The following CALM3 variants were observed in gnomAD, a reference collection of about 807,000 sequenced individuals.
The protein encoded by CALM3 is calmodulin-3.
Under a neutral mutation model 20.1 loss-of-function variants are expected in CALM3, and 5 were observed. That is an observed-to-expected ratio of 0.25 (90% CI 0.13 to 0.52). The LOEUF (loss-of-function observed/expected upper bound fraction) is 0.52. Ranked by LOEUF, CALM3 falls within the 20% of genes least tolerant of loss-of-function variation. The pLI, the probability that CALM3 is intolerant of heterozygous loss-of-function variation, is 0.96. For synonymous variants in CALM3, 69 were observed against 68.1 expected, an observed-to-expected ratio of 1.01 and a Z score of -0.06; for missense variants, 57 against 192.8, an observed-to-expected ratio of 0.30 and a Z score of 4.17.
At position 46,608,411 on chromosome 19, in the gene CALM3, G is replaced by C. The variant is rs536630307; in HGVS notation, c.178+71G>C. 2,289 of 1,610,136 alleles carry C rather than the reference G, an allele frequency of 1.4e-3. 3 individuals are homozygous for C. The highest frequency in any genetic ancestry group is 3.3e-3 in the Admixed American group (196 of 59,988). On this transcript the variant is annotated intron_variant, in intron 3 of 5. Transcript: ENST00000291295. This position sits in a 1 kb window ranked among gnomAD's most constrained non-coding sequence, Gnocchi z 5.5. ...GAGTGACTGCAGGGAGCCTCTCTCA[G>C]GGTGATGGATGAGCCCGTGTCTCTC... is the stretch of plus-strand genomic sequence containing the variant.
chr19:46,602,003 C>A, intron 1 of CALM3: 1 of 852,772 alleles, frequency 1.2e-6, no homozygotes, highest in South Asian at 1.6e-5. Flanking sequence ...CAAGGATGGG[C>A]GGTCACTTCT....
At chr19:46,609,027 A>G (rs1238043692) in intron 5 of CALM3, 46 bp downstream of exon 5, 1 of 1,608,494 alleles carries the variant, frequency 6.2e-7, no homozygotes, top group Non-Finnish European at 8.5e-7. Context: ...AGAGAATCGC[A>G]GCTTCAGGAA....
At chr19:46,604,273 G>C (rs1971694678) in intron 1 of CALM3, among the ~76,000 whole-genome samples, 1 of 152,088 alleles carries the variant, frequency 6.6e-6, no homozygotes, top group African/African-American at 2.4e-5. Flanking sequence ...GGTGGGAGGT[G>C]GGGGGCAGGT....
chr19:46,608,746 GT>G lies in CALM3; in HGVS notation c.286-99del. ...GCCACCTCAGGCAGCCTCCCTCACT[GT>G]GCTCACTGCTGAGGGATGGTGATGA... On this transcript the variant is annotated intron_variant, in intron 4 of 5. Coordinates refer to ENST00000291295, the MANE Select transcript of CALM3 (RefSeq NM_005184.4). This position sits in a 1 kb window ranked among gnomAD's most constrained non-coding sequence, Gnocchi z 5.5. 2 of 1,382,756 alleles carry G rather than the reference GT, an allele frequency of 1.4e-6. No individual in the cohort carries two copies. The highest frequency in any genetic ancestry group is 2.0e-6 in the Non-Finnish European group (2 of 1,013,754). 85.7% of individuals were successfully genotyped at this position (1,382,756 alleles called of 1,614,324 possible). A position where few individuals can be genotyped will look rare whatever the true frequency, so the allele number is the denominator to read the frequency against.
chr19:46,601,336 T>G lies in CALM3; in HGVS notation c.-99T>G. 4 of 1,252,680 alleles carry G rather than the reference T, an allele frequency of 3.2e-6. No homozygotes were observed. The highest frequency in any genetic ancestry group is 4.3e-6 in the Non-Finnish European group (4 of 933,674). The allele number at this position is 1,252,680 out of a possible 1,614,324, so 77.6% of individuals were successfully genotyped here. On this transcript the variant is annotated 5_prime_UTR_variant, in exon 1 of 6. Coordinates refer to ENST00000291295, the MANE Select transcript of CALM3 (RefSeq NM_005184.4). The surrounding 1 kb of genome is among the most constrained non-coding windows in gnomAD (Gnocchi z 4.2). Reference sequence around the variant, plus strand: ...GGCGGCGCGCGCTGCGGGCAGTGAGTGTGGAGGCGCGGACGCGCGGCGGAG... The same window carrying G: ...GGCGGCGCGCGCTGCGGGCAGTGAGGGTGGAGGCGCGGACGCGCGGCGGAG...
At chr19:46,604,744 C>T (rs1180515616) in intron 1 of CALM3, among the ~76,000 whole-genome samples, 1 of 151,950 alleles carries the variant, frequency 6.6e-6, no homozygotes, top group Non-Finnish European at 1.5e-5. Context: ...AGACTTGGAG[C>T]CCCTTTCCCT....
Position 46,609,462 on chromosome 19 carries a change from T to G in CALM3, c.*309T>G. On this transcript the variant is annotated 3_prime_UTR_variant, in exon 6 of 6. Transcript: ENST00000291295. ...TCCCCTTGGGGAGCCTCTGCCCTCC[T>G]CCAGCCCGGATGGCTCTCCTCCATT... is the stretch of plus-strand genomic sequence containing the variant. The G allele has an allele frequency of 2.2e-6, 1 of 455,424 alleles. No homozygotes were observed. The highest frequency in any genetic ancestry group is 3.5e-5 in the South Asian group (1 of 28,950). The allele number at this position is 455,424 out of a possible 1,614,324, so 28.2% of individuals were successfully genotyped here.
At position 46,601,330 on chromosome 19, in the gene CALM3, A is replaced by C; in HGVS notation, c.-105A>C. The C allele has an allele frequency of 1.9e-4, 182 of 983,680 alleles. No individual in the cohort carries two copies. Among genetic ancestry groups the C allele is most frequent in the East Asian group, 9.9e-4 (22 of 22,250 alleles). 60.9% of individuals were successfully genotyped at this position (983,680 alleles called of 1,614,324 possible). On this transcript the variant is annotated 5_prime_UTR_variant, in exon 1 of 6. Coordinates refer to ENST00000291295, the MANE Select transcript of CALM3 (RefSeq NM_005184.4). The surrounding 1 kb of genome is among the most constrained non-coding windows in gnomAD (Gnocchi z 4.2). ...GGCGGCGGCGGCGCGCGCTGCGGGC[A>C]GTGAGTGTGGAGGCGCGGACGCGCG... is the stretch of plus-strand genomic sequence containing the variant.
At position 46,609,390 on chromosome 19, in the gene CALM3, A is replaced by G; in HGVS notation, c.*237A>G. On this transcript the variant is annotated 3_prime_UTR_variant, in exon 6 of 6. Transcript: ENST00000291295. ...CCTTTTGCCCTCGCCTCTTCCATCC[A>G]TGTCTTCCAAGGCCTGATGCATTCA... 4 of 591,594 alleles carry G rather than the reference A, an allele frequency of 6.8e-6. No homozygotes were observed. The highest frequency in any genetic ancestry group is 1.2e-5 in the Non-Finnish European group (4 of 331,066). 36.6% of individuals were successfully genotyped at this position (591,594 alleles called of 1,614,324 possible).
chr19:46,601,414 C>A lies in CALM3; in HGVS notation c.-21C>A. 6.6e-7 allele frequency: 1 copy of A among 1,506,218 alleles called. No homozygotes were observed. Among genetic ancestry groups the A allele is most frequent in the Non-Finnish European group, 8.9e-7 (1 of 1,129,640 alleles). 93.3% of individuals were successfully genotyped at this position (1,506,218 alleles called of 1,614,324 possible). A position where few individuals can be genotyped will look rare whatever the true frequency, so the allele number is the denominator to read the frequency against. The stretch of plus-strand genomic sequence containing the variant: ...CCGGAGGAACCTTGATCCCCGTGCT[C>A]CGGACACCCCGGGCCTCGCCATGGT... On this transcript the variant is annotated 5_prime_UTR_variant, in exon 1 of 6. Coordinates refer to ENST00000291295, the MANE Select transcript of CALM3 (RefSeq NM_005184.4). This position sits in a 1 kb window ranked among gnomAD's most constrained non-coding sequence, Gnocchi z 4.2.
In CALM3 at chr19:46,608,841, C is replaced by G; in HGVS notation, c.286-5C>G. On this transcript the variant is annotated splice_polypyrimidine_tract_variant and splice_region_variant and intron_variant, in intron 4 of 5. Coordinates refer to ENST00000291295, the MANE Select transcript of CALM3 (RefSeq NM_005184.4). This position sits in a 1 kb window ranked among gnomAD's most constrained non-coding sequence, Gnocchi z 5.5. ...CCAGTGAAAGGCTTTATCCCCAACCCCCAGGATGGGAATGGCTACATCAGC... is the reference window on the plus strand; with the variant it reads ...CCAGTGAAAGGCTTTATCCCCAACCGCCAGGATGGGAATGGCTACATCAGC... The G allele has an allele frequency of 1.3e-6, 2 of 1,545,508 alleles. No individual in the cohort carries two copies. The highest frequency in any genetic ancestry group is 1.3e-5 in the South Asian group (1 of 78,774).
chr19:46,606,779 A>G (rs1265698221), intron 2 of CALM3, among the ~76,000 whole-genome samples: 3 of 152,176 alleles, frequency 2.0e-5, no homozygotes, highest in Non-Finnish European at 4.4e-5. Flanking sequence ...CTACCCGCCC[A>G]TACTGAGCTG....
At chr19:46,603,604 T>C (rs1471482864) in intron 1 of CALM3, among the ~76,000 whole-genome samples, 1 of 152,162 alleles carries the variant, frequency 6.6e-6, no homozygotes, top group Non-Finnish European at 1.5e-5. Flanking sequence ...GGAGACCAGC[T>C]GAGTTATTTT....
At chr19:46,601,161 A>G, upstream of CALM3, 2 of 550,734 alleles carry the variant, frequency 3.6e-6, no homozygotes, top group Non-Finnish European at 6.1e-6. This position sits in a 1 kb window ranked among gnomAD's most constrained non-coding sequence, Gnocchi z 4.2. Flanking sequence ...GGGACGAGAG[A>G]TTCGCGGGCC....
At position 46,605,677 on chromosome 19, in the gene CALM3, T is replaced by C; in HGVS notation, c.4-150T>C. 1.4e-6 allele frequency: 1 copy of C among 700,296 alleles called. No homozygotes were observed. The allele number at this position is 700,296 out of a possible 1,614,324, so 43.4% of individuals were successfully genotyped here. A position where few individuals can be genotyped will look rare whatever the true frequency, so the allele number is the denominator to read the frequency against. On this transcript the variant is annotated intron_variant, in intron 1 of 5. Coordinates refer to ENST00000291295, the MANE Select transcript of CALM3 (RefSeq NM_005184.4). This position sits in a 1 kb window ranked among gnomAD's most constrained non-coding sequence, Gnocchi z 4.1. ...TTTATCATCAGGCGCTGGCTCTGCC[T>C]CAGACCCTGACTCTGGCATGCTCCT...
chr19:46,605,698 C>A lies in CALM3; in HGVS notation c.4-129C>A. 2 of 812,154 alleles carry A rather than the reference C, an allele frequency of 2.5e-6. No homozygotes were observed. The highest frequency in any genetic ancestry group is 2.5e-5 in the East Asian group (1 of 39,642). The allele number at this position is 812,154 out of a possible 1,614,324, so 50.3% of individuals were successfully genotyped here. On this transcript the variant is annotated intron_variant, in intron 1 of 5. Coordinates refer to ENST00000291295, the MANE Select transcript of CALM3 (RefSeq NM_005184.4). The surrounding 1 kb of genome is among the most constrained non-coding windows in gnomAD (Gnocchi z 4.1). Reference sequence around the variant, plus strand: ...TGCCTCAGACCCTGACTCTGGCATGCTCCTCCCTGGCCCGGCGGGAATGGC... The same window carrying A: ...TGCCTCAGACCCTGACTCTGGCATGATCCTCCCTGGCCCGGCGGGAATGGC...
chr19:46,606,258 G>A (rs923876422), intron 2 of CALM3: 5 of 203,134 alleles, frequency 2.5e-5, no homozygotes, highest in South Asian at 7.7e-5. Flanking sequence ...GAGCTGGCTC[G>A]TCACTCCCAC....
In CALM3 at chr19:46,601,962, C is replaced by T. The variant is rs1386220862; in HGVS notation, c.3+525C>T. On this transcript the variant is annotated intron_variant, in intron 1 of 5. Coordinates refer to ENST00000291295, the MANE Select transcript of CALM3 (RefSeq NM_005184.4). The surrounding 1 kb of genome is among the most constrained non-coding windows in gnomAD (Gnocchi z 4.2). ...CTGGGCCCGGGCGGGGAGGGGCGAC[C>T]CCTGGGCTCCTGTGGAGCAGAGGAG... 1 of 568,484 alleles carries T rather than the reference C, an allele frequency of 1.8e-6. No individual in the cohort carries two copies. The highest frequency in any genetic ancestry group is 2.7e-6 in the Non-Finnish European group (1 of 371,674). The allele number at this position is 568,484 out of a possible 1,614,324, so 35.2% of individuals were successfully genotyped here. A position where few individuals can be genotyped will look rare whatever the true frequency, so the allele number is the denominator to read the frequency against.
intron 1 of CALM3, chr19:46,602,062 AG>A: frequency 7.7e-7 from 1 of 1,291,300 alleles, no homozygotes; most frequent in African/African-American, 1.5e-5. Flanking sequence ...GGTGGTCTCC[AG>A]AGCCCAGCAC....
Sources: allele counts gnomAD v4.1 joint callset (sites outside exome capture counted in the v4.1 genomes callset), GRCh38; gene constraint gnomAD v4.1.1; non-coding constraint Gnocchi (gnomAD v3.1); transcripts MANE v1.5; gene names NCBI Gene and HGNC (gene_info 2026-07-23, HGNC 2026-07-21).